Variants in SLC25A48 observed in about 807,000 individuals in gnomAD.
The protein encoded by SLC25A48 is solute carrier family 25 member 48.
Under a neutral mutation model 32.2 loss-of-function variants are expected in SLC25A48, and 29 were observed. That is an observed-to-expected ratio of 0.90 (90% confidence interval 0.67 to 1.23). SLC25A48 has a LOEUF of 1.23. SLC25A48 is among the 50% of genes most tolerant of loss of function. SLC25A48 has a pLI of 0.00. For synonymous variants in SLC25A48, 164 were observed against 172.3 expected (o/e 0.95, Z 0.38); for missense variants, 399 against 422.7 (o/e 0.94, Z 0.49).
intron 3 of SLC25A48, among the ~76,000 whole-genome samples, chr5:135,681,461 T>C (rs1377890329): frequency 6.6e-6 from 1 of 152,242 alleles, no homozygotes; most frequent in Non-Finnish European, 1.5e-5. Context: ...CTTTCGTCTA[T>C]CTTCTAGAAC....
chr5:135,706,085 G>A (rs1321629335), intron 3 of SLC25A48, among the ~76,000 whole-genome samples: 2 of 152,186 alleles, frequency 1.3e-5, no homozygotes, highest in Non-Finnish European at 2.9e-5. Flanking sequence ...CCTCTTCTCT[G>A]TGAGAAGGTG....
intron 3 of SLC25A48, among the ~76,000 whole-genome samples, chr5:135,635,352 G>T (rs866993764): frequency 5.9e-5 from 9 of 152,246 alleles, no homozygotes; most frequent in Middle Eastern, 3.4e-3. Context: ...TGGTAGTGTT[G>T]GATTCAGACC....
intron 3 of SLC25A48, among the ~76,000 whole-genome samples, chr5:135,639,143 G>A (rs1752774560): frequency 6.6e-6 from 1 of 152,176 alleles, no homozygotes; most frequent in African/African-American, 2.4e-5. Context: ...TATGAAAAGT[G>A]CATTCAATAT....
At chr5:135,800,678 A>C (rs1394457473) in intron 3 of SLC25A48, among the ~76,000 whole-genome samples, 2 of 151,842 alleles carry the variant, frequency 1.3e-5, no homozygotes, top group Non-Finnish European at 2.9e-5. Flanking sequence ...AAACACCTTG[A>C]GTGTACACCC....
chr5:135,719,830 A>G (rs1754906391), intron 3 of SLC25A48, among the ~76,000 whole-genome samples: 1 of 152,132 alleles, frequency 6.6e-6, no homozygotes, highest in South Asian at 2.1e-4. Flanking sequence ...AGGTGGCACC[A>G]ACCACCTGCC....
At chr5:135,668,211 A>G (rs1438541711) in intron 3 of SLC25A48, among the ~76,000 whole-genome samples, 1 of 152,260 alleles carries the variant, frequency 6.6e-6, no homozygotes, top group Non-Finnish European at 1.5e-5. Context: ...AAGCGGCCAG[A>G]GATTTCATCA....
At chr5:135,644,020 G>T (rs1219945712) in intron 3 of SLC25A48, among the ~76,000 whole-genome samples, 5 of 152,178 alleles carry the variant, frequency 3.3e-5, no homozygotes, top group Admixed American at 3.3e-4. Flanking sequence ...AGAGAAAATA[G>T]ATACTTTAAT....
chr5:135,773,525 CAT>C (rs1234341337), intron 3 of SLC25A48, among the ~76,000 whole-genome samples: 31 of 150,964 alleles, frequency 2.1e-4, no homozygotes, highest in South Asian at 1.0e-3. Flanking sequence ...AGGGGGTGTA[CAT>C]TCCCCTATGA....
intron 3 of SLC25A48, among the ~76,000 whole-genome samples, chr5:135,697,767 G>A (rs906318933): frequency 1.3e-5 from 2 of 152,222 alleles, no homozygotes; most frequent in African/African-American, 4.8e-5. Flanking sequence ...AAAGAGAGCT[G>A]TTCCTGGTGT....
At chr5:135,632,782 T>G (rs1752606826) in intron 2 of SLC25A48, among the ~76,000 whole-genome samples, 1 of 152,214 alleles carries the variant, frequency 6.6e-6, no homozygotes, top group Non-Finnish European at 1.5e-5. Context: ...CTTAATGGTT[T>G]TGGATTACAA....
chr5:135,771,619 C>T (rs1048425167), intron 3 of SLC25A48, among the ~76,000 whole-genome samples: 1 of 151,504 alleles, frequency 6.6e-6, no homozygotes, highest in Non-Finnish European at 1.5e-5. Flanking sequence ...CTTTGTATCA[C>T]AGGGGGTGTA....
At chr5:135,849,231 G>A (rs182063761) in intron 2 of SLC25A48, among the ~76,000 whole-genome samples, 8 of 152,300 alleles carry the variant, frequency 5.3e-5, no homozygotes, top group Admixed American at 3.9e-4. Flanking sequence ...CAGTTCATGT[G>A]AAGAGCTAGC....
intron 7 of SLC25A48, among the ~76,000 whole-genome samples, chr5:135,887,467 TGTGTACATATACAC>T (rs1442543013): frequency 6.6e-6 from 1 of 151,986 alleles, no homozygotes; most frequent in Non-Finnish European, 1.5e-5. Context: ...TGTGTGTGTG[TGTGTACATATACAC>T]ACACACACAT....
rs148711432 is a variant in SLC25A48, at chr5:135,702,188, C to G, written c.-521+67232C>G. Among the ~76,000 whole-genome samples the G allele has an allele frequency of 3.3e-5, 5 of 152,316 alleles. 1 individual carries two copies. Among genetic ancestry groups the G allele is most frequent in the African/African-American group, 1.2e-4 (5 of 41,576 alleles). On this transcript the variant is annotated intron_variant, in intron 3 of 10. Transcript: ENST00000646290. ...TCTAGTGGGTTCCATAATATCCTCC[C>G]AAAAGATATGTCCACGTCCTAATGC...
rs536282129 is a variant in SLC25A48, at chr5:135,726,015, G to C, written c.-520-86508G>C. ...GCCTACTTATTGGCTGGTTGCTGATGGACACTGACAGACTCGAGGATCTCC... is the reference window on the plus strand; with the variant it reads ...GCCTACTTATTGGCTGGTTGCTGATCGACACTGACAGACTCGAGGATCTCC... On this transcript the variant is annotated intron_variant, in intron 3 of 10. Coordinates refer to the SLC25A48 transcript ENST00000646290. Among the ~76,000 whole-genome samples, 6 of 152,326 alleles carry C rather than the reference G, an allele frequency of 3.9e-5. No homozygotes were observed. In the South Asian group the frequency reaches 6.2e-4, roughly 16 times the overall value.
chr5:135,656,734 G>A (rs934311403), intron 3 of SLC25A48, among the ~76,000 whole-genome samples: 11 of 152,118 alleles, frequency 7.2e-5, no homozygotes, highest in African/African-American at 2.4e-4. Context: ...AGATATGCAG[G>A]GAGAAGGCCA....
intron 4 of SLC25A48, among the ~76,000 whole-genome samples, chr5:135,857,595 G>A (rs965228714): frequency 6.6e-6 from 1 of 152,260 alleles, no homozygotes; most frequent in Non-Finnish European, 1.5e-5. Flanking sequence ...AGAATGCAGT[G>A]GTGAACAAAA....
chr5:135,762,253 C>T (rs538527421), intron 3 of SLC25A48, among the ~76,000 whole-genome samples: 1 of 152,214 alleles, frequency 6.6e-6, no homozygotes, highest in Non-Finnish European at 1.5e-5. Flanking sequence ...TGTGGAATAA[C>T]CATGCAGATG....
At chr5:135,601,833 A>G (rs1257778312) in intron 1 of SLC25A48, among the ~76,000 whole-genome samples, 1 of 152,234 alleles carries the variant, frequency 6.6e-6, no homozygotes, top group Admixed American at 6.5e-5. Flanking sequence ...TCCAAAGACT[A>G]GAGTTTGAAT....
Sources: gnomAD v4.1 joint callset for allele counts (sites outside exome capture counted in the v4.1 genomes callset) on GRCh38, gnomAD v4.1.1 for gene constraint, MANE v1.5 for transcripts, NCBI Gene and HGNC (gene_info 2026-07-23, HGNC 2026-07-21) for gene names.